CSMD1: variants seen among roughly 807,000 people sequenced by gnomAD.
CSMD1 encodes CUB and Sushi multiple domains 1.
A neutral mutation model predicts 417.5 loss-of-function variants in CSMD1; 213 were observed. That is an observed-to-expected ratio of 0.51 (90% CI 0.46 to 0.57). The LOEUF (loss-of-function observed/expected upper bound fraction) is 0.57, where lower values mean the gene tolerates loss of function less well. Among genes scored for constraint, CSMD1 ranks in the 20% least tolerant of loss-of-function variants. The pLI is 0.00. For missense variants in CSMD1, 6,923 were observed against 4,529.7 expected (o/e 1.53, Z -15.17); for synonymous variants, 2,862 against 1,736.8 (o/e 1.65, Z -16.11).
At chr8:3,643,009 G>T (rs2449196) in intron 7 of CSMD1, among the ~76,000 whole-genome samples, 2 of 151,952 alleles carry the variant, frequency 1.3e-5, no homozygotes, top group Admixed American at 1.3e-4. Flanking sequence ...ATAGATGTAA[G>T]AAATTTTTCA....
At chr8:3,199,880 G>A in intron 32 of CSMD1, 71 bp from the exon 33 acceptor site, 5 of 868,420 alleles carry the variant, frequency 5.8e-6, no homozygotes, top group Non-Finnish European at 9.0e-6. Context: ...TTTGGAAAAT[G>A]GTGATAAAGT....
At position 3,892,029 on chromosome 8, in the gene CSMD1, A is replaced by AAT. The variant is rs201063296; in HGVS notation, c.818+105873_818+105874insAT. Among the ~76,000 whole-genome samples, 48 of 25,132 alleles carry AAT rather than the reference A, an allele frequency of 1.9e-3. 1 individual carries two copies. The highest frequency in any genetic ancestry group is 9.8e-3 in the Admixed American group (14 of 1,432). 16.5% of individuals were successfully genotyped at this position (25,132 alleles called of 152,430 possible). On this transcript the variant is annotated intron_variant, in intron 5 of 69. Coordinates refer to ENST00000635120, the MANE Select transcript of CSMD1 (RefSeq NM_033225.6). ...CACCAACATGATAGTCGCAAACAAAAAAAAAAAAAATTAAGGAAAGTCACA... is the reference window on the plus strand; with the variant it reads ...CACCAACATGATAGTCGCAAACAAAAATAAAAAAAAAATTAAGGAAAGTCACA...
intron 2 of CSMD1, among the ~76,000 whole-genome samples, chr8:4,563,864 G>A (rs1798462335): frequency 6.6e-6 from 1 of 152,050 alleles, no homozygotes; most frequent in African/African-American, 2.4e-5. Flanking sequence ...GAGAAGACTT[G>A]GAGTTGCGAA....
chr8:3,425,301 C>G (rs1225249546), intron 12 of CSMD1, among the ~76,000 whole-genome samples: 1 of 152,126 alleles, frequency 6.6e-6, no homozygotes, highest in Non-Finnish European at 1.5e-5. Flanking sequence ...TGAAAATGCC[C>G]TGTCCCAGCT....
intron 10 of CSMD1, among the ~76,000 whole-genome samples, chr8:3,505,979 G>A (rs536540575): frequency 3.9e-5 from 6 of 152,190 alleles, no homozygotes; most frequent in East Asian, 1.9e-4. Context: ...AGGGTTGAGT[G>A]GATAAAAATA....
intron 1 of CSMD1, among the ~76,000 whole-genome samples, chr8:4,963,084 C>T (rs1184745175): frequency 6.6e-6 from 1 of 152,182 alleles, no homozygotes; most frequent in Admixed American, 6.5e-5. Flanking sequence ...TTATGCCTCT[C>T]CAGGCCTCCG....
intron 11 of CSMD1, 44 bp from the exon 12 acceptor site, chr8:3,468,868 G>A (rs369229818): frequency 2.7e-5 from 35 of 1,297,006 alleles, no homozygotes; most frequent in Non-Finnish European, 3.7e-5. Flanking sequence ...AAGGCAACAA[G>A]TACATCGACT....
intron 6 of CSMD1, among the ~76,000 whole-genome samples, chr8:3,749,639 C>G (rs1797228935): frequency 6.6e-6 from 1 of 152,160 alleles, no homozygotes; most frequent in African/African-American, 2.4e-5. Flanking sequence ...ACAATTCTGT[C>G]CAAGCATCAT....
At chr8:3,710,880 C>G (rs1270714366) in intron 6 of CSMD1, among the ~76,000 whole-genome samples, 1 of 152,112 alleles carries the variant, frequency 6.6e-6, no homozygotes, top group Non-Finnish European at 1.5e-5. Context: ...ACGTGGGCTA[C>G]TGGCTGGGGA....
intron 7 of CSMD1, among the ~76,000 whole-genome samples, chr8:3,707,065 G>A (rs1007751084): frequency 2.6e-5 from 4 of 151,954 alleles, no homozygotes; most frequent in Admixed American, 2.0e-4. Context: ...GCTCCTCTCT[G>A]CCTCTGAGGC....
chr8:4,600,816 G>A (rs777168779), intron 2 of CSMD1, among the ~76,000 whole-genome samples: 3 of 152,066 alleles, frequency 2.0e-5, no homozygotes, highest in Non-Finnish European at 4.4e-5. Flanking sequence ...TCTCAATCTT[G>A]ACAAACTTAC....
At chr8:4,574,961 C>G (rs1799070394) in intron 2 of CSMD1, among the ~76,000 whole-genome samples, 1 of 152,200 alleles carries the variant, frequency 6.6e-6, no homozygotes, top group African/African-American at 2.4e-5. Context: ...CTAATGACCT[C>G]TATGAAATTC....
At chr8:3,556,931 C>A (rs1799182621) in intron 10 of CSMD1, among the ~76,000 whole-genome samples, 1 of 152,122 alleles carries the variant, frequency 6.6e-6, no homozygotes, top group South Asian at 2.1e-4. Context: ...AGTTTTCAAA[C>A]ACACACATAA....
chr8:4,345,264 G>A (rs1454066927), intron 3 of CSMD1, among the ~76,000 whole-genome samples: 1 of 152,094 alleles, frequency 6.6e-6, no homozygotes, highest in Non-Finnish European at 1.5e-5. Flanking sequence ...AAATTAGATA[G>A]GAACTTATGC....
chr8:3,219,839 T>A (rs1052365825), intron 28 of CSMD1, among the ~76,000 whole-genome samples: 2 of 152,150 alleles, frequency 1.3e-5, no homozygotes, highest in Non-Finnish European at 2.9e-5. Flanking sequence ...ATATTTTTAG[T>A]TTTGAAAATA....
chr8:3,497,498 G>C (rs1239209975), intron 10 of CSMD1, among the ~76,000 whole-genome samples: 1 of 152,098 alleles, frequency 6.6e-6, no homozygotes, highest in Admixed American at 6.6e-5. Context: ...CCTGTCTCCT[G>C]GGTTTAAGCA....
chr8:3,755,017 A>G (rs1797987973), intron 5 of CSMD1, among the ~76,000 whole-genome samples: 1 of 152,386 alleles, frequency 6.6e-6, no homozygotes, highest in East Asian at 1.9e-4. Flanking sequence ...GCTGTTTAAA[A>G]TATCCATTTC....
chr8:4,877,721 G>A (rs1258965486), intron 1 of CSMD1, among the ~76,000 whole-genome samples: 1 of 152,090 alleles, frequency 6.6e-6, no homozygotes, highest in Non-Finnish European at 1.5e-5. Flanking sequence ...TCTTTAAAGA[G>A]GAAGACAGAC....
At chr8:3,759,937 G>A (rs1797898448) in intron 5 of CSMD1, among the ~76,000 whole-genome samples, 1 of 150,752 alleles carries the variant, frequency 6.6e-6, no homozygotes, top group Non-Finnish European at 1.5e-5. Flanking sequence ...TGAGGAACGG[G>A]GAAATAATGG....
Sources: gnomAD v4.1 joint callset for allele counts (sites outside exome capture counted in the v4.1 genomes callset) on GRCh38, gnomAD v4.1.1 for gene constraint, MANE v1.5 for transcripts, NCBI Gene and HGNC (gene_info 2026-07-23, HGNC 2026-07-21) for gene names.